Variants in NDST4 observed in about 807,000 individuals in gnomAD.
The protein encoded by NDST4 is N-deacetylase and N-sulfotransferase 4, also known as N-heparan sulfate sulfotransferase 4.
A neutral mutation model predicts 100.8 loss-of-function variants in NDST4; 63 were observed. The observed-to-expected ratio is 0.62, with a 90% CI of 0.51 to 0.77. The LOEUF (loss-of-function observed/expected upper bound fraction) is 0.77. Ranked by LOEUF, NDST4 falls within the 30% of genes least tolerant of loss-of-function variation. The pLI is 0.00. For missense variants in NDST4, 943 were observed against 1,018.4 expected, an observed-to-expected ratio of 0.93 and a Z score of 1.01; for synonymous variants, 377 against 361.8, an observed-to-expected ratio of 1.04 and a Z score of -0.48.
chr4:115,068,395 G>A (rs1001807965), intron 2 of NDST4, among the ~76,000 whole-genome samples: 1 of 152,006 alleles, frequency 6.6e-6, no homozygotes, highest in Non-Finnish European at 1.5e-5. Flanking sequence ...TGCTAGCTTT[G>A]GACTCCAAGT....
In NDST4 at chr4:114,967,538, C is replaced by T. The variant is rs535001806; in HGVS notation, c.1221+2892G>A. On this transcript the variant is annotated intron_variant, in intron 4 of 13. Coordinates refer to ENST00000264363, the MANE Select transcript of NDST4 (RefSeq NM_022569.3). ...AACCATTATGAAATATAACCTATAT[C>T]CCTAAAACGCAAGGCTCTAGAGTAG... Among the ~76,000 whole-genome samples the T allele has an allele frequency of 2.0e-4, 31 of 152,118 alleles. No homozygotes were observed. In the South Asian group the frequency reaches 6.2e-3, roughly 31 times the overall value.
chr4:114,914,642 A>T (rs1725131327), intron 6 of NDST4, among the ~76,000 whole-genome samples: 1 of 152,142 alleles, frequency 6.6e-6, no homozygotes, highest in South Asian at 2.1e-4. Context: ...AGGTAATGAT[A>T]TTGTTTTTTT....
chr4:114,931,020 T>C (rs950027751), intron 6 of NDST4, among the ~76,000 whole-genome samples: 1 of 152,036 alleles, frequency 6.6e-6, no homozygotes, highest in Non-Finnish European at 1.5e-5. Context: ...TCAATTCAGC[T>C]TTATATTGTG....
At chr4:115,052,768 CTTCA>C (rs1578484460) in intron 2 of NDST4, among the ~76,000 whole-genome samples, 2 of 152,170 alleles carry the variant, frequency 1.3e-5, no homozygotes, top group African/African-American at 2.4e-5. Flanking sequence ...CAACTCACTC[CTTCA>C]TTCATTCATT....
chr4:115,002,086 T>G lies in NDST4; in HGVS notation c.979-24812A>C, dbSNP rs560851361. 7.9e-5 allele frequency among the ~76,000 whole-genome samples: 12 copies of G among 152,240 alleles called. No individual in the cohort carries two copies. In the South Asian group the frequency reaches 1.7e-3, roughly 21 times the overall value. ...AAAAGGAGTAATATAAAATGGGTAC[T>G]ACAATGTTTGAACTAATTTACACTG... is the stretch of plus-strand genomic sequence containing the variant. On this transcript the variant is annotated intron_variant, in intron 2 of 13. Coordinates refer to ENST00000264363, the MANE Select transcript of NDST4 (RefSeq NM_022569.3).
At chr4:115,028,407 G>A (rs796326241) in intron 2 of NDST4, among the ~76,000 whole-genome samples, 1 of 152,100 alleles carries the variant, frequency 6.6e-6, no homozygotes, top group African/African-American at 2.4e-5. Context: ...TACATATATC[G>A]ATTTAGGATA....
intron 2 of NDST4, among the ~76,000 whole-genome samples, chr4:115,004,880 CT>C (rs1439999390): frequency 1.3e-5 from 2 of 152,072 alleles, no homozygotes; most frequent in African/African-American, 2.4e-5. Flanking sequence ...TTTGTTACAG[CT>C]TAATTTTCAG....
At chr4:115,022,162 ACACGTTCCACGTCTATG>A (rs887951355) in intron 2 of NDST4, among the ~76,000 whole-genome samples, 2 of 150,596 alleles carry the variant, frequency 1.3e-5, no homozygotes, top group African/African-American at 2.5e-5. Context: ...CCATATATAT[ACACGTTCCACGTCTATG>A]CACGTTCCAT....
chr4:114,910,294 C>T (rs910447467), intron 6 of NDST4, among the ~76,000 whole-genome samples: 9 of 152,176 alleles, frequency 5.9e-5, no homozygotes, highest in African/African-American at 2.2e-4. Context: ...CTCATTCATT[C>T]ATCTCCTCAA....
intron 6 of NDST4, among the ~76,000 whole-genome samples, chr4:114,901,920 C>G (rs917277093): frequency 3.3e-5 from 5 of 151,878 alleles, no homozygotes; most frequent in Non-Finnish European, 5.9e-5. Context: ...TAGCATTATA[C>G]TGCTTCATGC....
chr4:115,095,554 A>G (rs959609808), intron 1 of NDST4, among the ~76,000 whole-genome samples: 1 of 151,996 alleles, frequency 6.6e-6, no homozygotes, highest in African/African-American at 2.4e-5. Context: ...TCTACTCCCT[A>G]AAATCCTCTA....
chr4:114,864,999 A>T (rs1337076287), intron 7 of NDST4, among the ~76,000 whole-genome samples: 1 of 152,136 alleles, frequency 6.6e-6, no homozygotes, highest in African/African-American at 2.4e-5. Context: ...TTTTCCCATG[A>T]GGTAGTCTCA....
intron 6 of NDST4, among the ~76,000 whole-genome samples, chr4:114,905,026 A>T (rs1724920292): frequency 6.6e-6 from 1 of 151,936 alleles, no homozygotes; most frequent in Non-Finnish European, 1.5e-5. Context: ...TGAAAAATGA[A>T]AGACAGATGA....
At chr4:115,039,419 G>A (rs896983379) in intron 2 of NDST4, among the ~76,000 whole-genome samples, 1 of 149,874 alleles carries the variant, frequency 6.7e-6, no homozygotes, top group Non-Finnish European at 1.5e-5. Flanking sequence ...TTTCCAGTGT[G>A]GACACATTCT....
At chr4:115,051,616 A>G (rs1173212533) in intron 2 of NDST4, among the ~76,000 whole-genome samples, 3 of 152,156 alleles carry the variant, frequency 2.0e-5, no homozygotes, top group Non-Finnish European at 4.4e-5. Context: ...ATGGCCAAAT[A>G]ATACTTCACT....
chr4:114,919,787 A>G lies in NDST4; in HGVS notation c.1536+15419T>C, dbSNP rs116514518. On this transcript the variant is annotated intron_variant, in intron 6 of 13. Transcript: ENST00000264363. The stretch of plus-strand genomic sequence containing the variant: ...ATGGATTCTATGTGGCCAGAGAGAT[A>G]GCAATTTTTCTGGGAGAGAGAAAAC... 0.014 allele frequency among the ~76,000 whole-genome samples: 2,086 copies of G among 152,344 alleles called. 90 individuals are homozygous for G. The South Asian group carries it at 0.16, about 11-fold the overall frequency.
At chr4:114,885,861 T>C (rs1310576438) in intron 6 of NDST4, among the ~76,000 whole-genome samples, 1 of 152,100 alleles carries the variant, frequency 6.6e-6, no homozygotes, top group East Asian at 1.9e-4. Flanking sequence ...TCTTGGGCTC[T>C]GTATAGTTTC....
At chr4:115,061,516 A>C (rs7434687) in intron 2 of NDST4, among the ~76,000 whole-genome samples, 37,968 of 151,832 alleles carry the variant, frequency 0.25, 6,551 homozygotes, top group African/African-American at 0.46. Flanking sequence ...AGCAAACTAA[A>C]ACAGGAACAG....
At position 114,851,073 on chromosome 4, in the gene NDST4, T is replaced by C. The variant is rs1723666192; in HGVS notation, c.1816+1652A>G. ...TCTCACCTCACAAAAACTGAGCAAA[T>C]AGGAGTTTGGGAACCACTTTTGTAC... On this transcript the variant is annotated intron_variant, in intron 8 of 13. Transcript: ENST00000264363. Among the ~76,000 whole-genome samples, 3 of 152,040 alleles carry C rather than the reference T, an allele frequency of 2.0e-5. No individual in the cohort carries two copies. The South Asian group carries it at 6.2e-4, about 31-fold the overall frequency.
Sources: gnomAD v4.1 joint callset for allele counts (sites outside exome capture counted in the v4.1 genomes callset) on GRCh38, gnomAD v4.1.1 for gene constraint, MANE v1.5 for transcripts, NCBI Gene and HGNC (gene_info 2026-07-23, HGNC 2026-07-21) for gene names.